TENM4: variants seen among roughly 807,000 people sequenced by gnomAD.
TENM4 encodes teneurin transmembrane protein 4.
In TENM4, 82 loss-of-function variants were observed where a neutral mutation model predicts 243.3. That is an observed-to-expected ratio of 0.34 (90% CI 0.28 to 0.40). The LOEUF is 0.40. TENM4 is among the 10% of genes least tolerant of loss of function. The pLI is 1.00. For missense variants in TENM4, 3,138 were observed against 3,673.3 expected (o/e 0.85, Z 3.77); for synonymous variants, 1,412 against 1,456.3 (o/e 0.97, Z 0.69).
chr11:79,388,508 A>C (rs561455), intron 1 of TENM4, among the ~76,000 whole-genome samples: 152,305 of 152,308 alleles, frequency 1, 76,151 homozygotes, highest in Middle Eastern at 1. Flanking sequence ...AATAGGAAAC[A>C]AACCACTGCC....
chr11:78,720,499 T>C (rs1055094094), intron 24 of TENM4, 109 bp from the exon 25 acceptor site: 14 of 1,076,016 alleles, frequency 1.3e-5, no homozygotes, highest in Admixed American at 5.3e-5. Context: ...TACTATACAA[T>C]ACTGTAATAA....
chr11:78,872,007 G>T (rs750356350), intron 9 of TENM4, among the ~76,000 whole-genome samples: 3 of 152,130 alleles, frequency 2.0e-5, no homozygotes, highest in Non-Finnish European at 4.4e-5. Flanking sequence ...GATAGTATTA[G>T]TAACTCCATT....
In TENM4 at chr11:78,658,723, T is replaced by G; in HGVS notation, c.7645A>C (p.Ser2549Arg). ...FDQLYGSTIT[S>R]CQQAPKTKKF... ...TTGGTCTTTGGAGCCTGCTGGCAGC[T>G]GGTGATTGTGGAGCCATAGAGCTGG... The change falls in exon 34 of 34, where the codon AGC becomes CGC. Residue 2549 changes from serine to arginine, a missense_variant. Transcript: ENST00000278550. The G allele has an allele frequency of 6.2e-7, 1 of 1,614,020 alleles. No individual in the cohort carries two copies.
At chr11:78,816,535 G>T (rs898455927) in intron 12 of TENM4, among the ~76,000 whole-genome samples, 12 of 152,228 alleles carry the variant, frequency 7.9e-5, no homozygotes, top group African/African-American at 2.7e-4. Flanking sequence ...GTAGGATAGA[G>T]AATTCTATAA....
Position 79,001,483 on chromosome 11 carries a change from C to CG in TENM4, c.493+63254_493+63255insC, listed in dbSNP as rs1162107171. On this transcript the variant is annotated intron_variant, in intron 6 of 33. Coordinates refer to ENST00000278550, the MANE Select transcript of TENM4 (RefSeq NM_001098816.3). Reference sequence around the variant, plus strand: ...AGAATCCTGGCAGCAGGAGACCCCCCCCAAATCCCATGAACACTTGAGCTG... The same window carrying CG: ...AGAATCCTGGCAGCAGGAGACCCCCCGCCAAATCCCATGAACACTTGAGCTG... Among the ~76,000 whole-genome samples, 7 of 152,072 alleles carry CG rather than the reference C, an allele frequency of 4.6e-5. No homozygotes were observed. In the South Asian group the frequency reaches 6.3e-4, roughly 14 times the overall value.
chr11:79,164,825 C>G (rs986549358), intron 3 of TENM4, among the ~76,000 whole-genome samples: 1 of 151,742 alleles, frequency 6.6e-6, no homozygotes, highest in African/African-American at 2.4e-5. Context: ...GTAAGAAGTG[C>G]CTTTCACCTC....
chr11:78,693,961 G>A (rs1333322708), intron 28 of TENM4, among the ~76,000 whole-genome samples: 2 of 152,144 alleles, frequency 1.3e-5, no homozygotes, highest in Admixed American at 6.5e-5. Context: ...GTTGCCGTGA[G>A]CCGAGATCGC....
chr11:78,754,768 G>A (rs1856267133), intron 19 of TENM4, among the ~76,000 whole-genome samples: 1 of 152,180 alleles, frequency 6.6e-6, no homozygotes, highest in Non-Finnish European at 1.5e-5. Context: ...TCTGCCACTT[G>A]ACTAGCCTTG....
At chr11:78,836,633 C>T (rs1470453253) in intron 12 of TENM4, among the ~76,000 whole-genome samples, 4 of 152,168 alleles carry the variant, frequency 2.6e-5, no homozygotes, top group South Asian at 4.1e-4. Context: ...ACAGCAGGCT[C>T]GAGTTTTCAA....
Position 79,420,459 on chromosome 11 carries a change from C to A in TENM4, c.-321+20050G>T, listed in dbSNP as rs542370627. Among the ~76,000 whole-genome samples the A allele has an allele frequency of 5.9e-5, 9 of 152,276 alleles. No individual in the cohort carries two copies. In the South Asian group the frequency reaches 1.9e-3, roughly 32 times the overall value. On this transcript the variant is annotated intron_variant, in intron 1 of 33. Coordinates refer to ENST00000278550, the MANE Select transcript of TENM4 (RefSeq NM_001098816.3). ...CACAAAGTTAGCACTTCCCAAAGAG[C>A]TTCTGAAGAAACCCTACTCTTGTGA...
chr11:79,196,568 G>C (rs1236992352), intron 3 of TENM4, among the ~76,000 whole-genome samples: 1 of 152,102 alleles, frequency 6.6e-6, no homozygotes, highest in African/African-American at 2.4e-5. Context: ...GCCCCCGGCT[G>C]GTGCTGTTGA....
intron 6 of TENM4, among the ~76,000 whole-genome samples, chr11:78,972,603 C>G (rs1347175092): frequency 6.6e-6 from 1 of 152,144 alleles, no homozygotes; most frequent in African/African-American, 2.4e-5. Context: ...GGCCTGCCAG[C>G]TAGTCTGCTT....
intron 4 of TENM4, among the ~76,000 whole-genome samples, chr11:79,139,838 A>G (rs1862252052): frequency 7.5e-6 from 1 of 133,930 alleles, no homozygotes; most frequent in Non-Finnish European, 1.5e-5. Flanking sequence ...TAATACATAG[A>G]TTATGTAATA....
At chr11:79,226,291 G>A (rs548694690) in intron 2 of TENM4, among the ~76,000 whole-genome samples, 19 of 152,244 alleles carry the variant, frequency 1.2e-4, no homozygotes, top group Admixed American at 3.3e-4. Context: ...CTTCTGCTCC[G>A]TCCTTGGACT....
At chr11:78,769,802 G>T (rs916845996) in intron 18 of TENM4, among the ~76,000 whole-genome samples, 1 of 152,222 alleles carries the variant, frequency 6.6e-6, no homozygotes, top group Non-Finnish European at 1.5e-5. Flanking sequence ...GCTGAAAGCC[G>T]GCTGGCTCAA....
At chr11:79,272,004 G>T (rs1225290288) in intron 2 of TENM4, among the ~76,000 whole-genome samples, 1 of 152,054 alleles carries the variant, frequency 6.6e-6, no homozygotes, top group Non-Finnish European at 1.5e-5. Context: ...AACAACCCTA[G>T]GAGGTAGTGA....
At chr11:78,798,900 T>C (rs1292987849) in intron 15 of TENM4, among the ~76,000 whole-genome samples, 1 of 152,150 alleles carries the variant, frequency 6.6e-6, no homozygotes, top group South Asian at 2.1e-4. Flanking sequence ...CAAACCCTAC[T>C]GTACACACAA....
chr11:79,122,140 C>T (rs980200434), intron 4 of TENM4, among the ~76,000 whole-genome samples: 1 of 152,140 alleles, frequency 6.6e-6, no homozygotes, highest in Non-Finnish European at 1.5e-5. Context: ...TTTCTTCCTA[C>T]AGTGGGCCTT....
At chr11:78,863,875 G>A (rs897915041) in intron 9 of TENM4, among the ~76,000 whole-genome samples, 1 of 152,184 alleles carries the variant, frequency 6.6e-6, no homozygotes, top group African/African-American at 2.4e-5. Flanking sequence ...TGTACTAAAT[G>A]ATGTACATAC....
Sources: allele counts gnomAD v4.1 joint callset (sites outside exome capture counted in the v4.1 genomes callset), GRCh38; gene constraint gnomAD v4.1.1; transcripts MANE v1.5; gene names NCBI Gene and HGNC (gene_info 2026-07-23, HGNC 2026-07-21).